ATP6V1G3: variants seen among roughly 807,000 people sequenced by gnomAD.
ATP6V1G3 encodes the protein ATPase H+ transporting V1 subunit G3.
A neutral mutation model predicts 9.3 loss-of-function variants in ATP6V1G3; 9 were observed. That is an observed-to-expected ratio of 0.97 (90% CI 0.59 to 1.69). The LOEUF is 1.69. ATP6V1G3 is among the 40% of genes most tolerant of loss of function. The pLI, the probability that ATP6V1G3 is intolerant of heterozygous loss-of-function variation, is 0.00. For synonymous variants in ATP6V1G3, 43 were observed against 43.8 expected (o/e 0.98, Z 0.07); for missense variants, 133 against 139.0 (o/e 0.96, Z 0.22).
chr1:198,529,662 C>T (rs1028021636), intron 1 of ATP6V1G3, among the ~76,000 whole-genome samples: 10 of 152,242 alleles, frequency 6.6e-5, no homozygotes, highest in African/African-American at 2.2e-4. Flanking sequence ...TACAAACATG[C>T]AACTCAGACT....
chr1:198,540,699 G>A, upstream of ATP6V1G3: 1 of 1,506,156 alleles, frequency 6.6e-7, no homozygotes, highest in East Asian at 2.3e-5. Context: ...GGAAGTAATG[G>A]GTTCATTTAT....
intron 1 of ATP6V1G3, chr1:198,536,545 C>A: frequency 3.1e-6 from 2 of 637,654 alleles, no homozygotes; most frequent in Non-Finnish European, 5.5e-6. Context: ...GTGCAAACTA[C>A]TGTGATTTCA....
chr1:198,525,657 A>T (rs1453462872), intron 2 of ATP6V1G3, among the ~76,000 whole-genome samples: 1 of 152,158 alleles, frequency 6.6e-6, no homozygotes, highest in East Asian at 1.9e-4. Context: ...ATATTTTAAC[A>T]TACAATCAAT....
At chr1:198,528,337 A>C (rs1659747441) in intron 2 of ATP6V1G3, among the ~76,000 whole-genome samples, 1 of 152,130 alleles carries the variant, frequency 6.6e-6, no homozygotes, top group African/African-American at 2.4e-5. Flanking sequence ...CTAATAATTT[A>C]TTGGCAGTGT....
At chr1:198,537,163 G>A (rs537767376) in intron 1 of ATP6V1G3, among the ~76,000 whole-genome samples, 64 of 152,198 alleles carry the variant, frequency 4.2e-4, no homozygotes, top group African/African-American at 1.4e-3. Context: ...TATAGACCGC[G>A]TGGCCTTCTG....
intron 1 of ATP6V1G3, among the ~76,000 whole-genome samples, chr1:198,530,661 A>C (rs953636060): frequency 6.6e-6 from 1 of 152,140 alleles, no homozygotes; most frequent in Non-Finnish European, 1.5e-5. Context: ...ATTAATGCTC[A>C]TTACCATTTT....
intron 1 of ATP6V1G3, among the ~76,000 whole-genome samples, chr1:198,538,904 AAAG>A (rs1196593389): frequency 2.0e-5 from 3 of 151,612 alleles, no homozygotes; most frequent in East Asian, 1.9e-4. Context: ...AAAAAAAAAA[AAAG>A]AAGAAGAAGA....
At chr1:198,530,549 C>T (rs1048771607) in intron 1 of ATP6V1G3, among the ~76,000 whole-genome samples, 1 of 152,184 alleles carries the variant, frequency 6.6e-6, no homozygotes, top group Non-Finnish European at 1.5e-5. Flanking sequence ...ATATTTAGCT[C>T]TGCCTACACT....
intron 1 of ATP6V1G3, among the ~76,000 whole-genome samples, chr1:198,533,860 G>A (rs919859192): frequency 6.6e-6 from 1 of 152,168 alleles, no homozygotes; most frequent in African/African-American, 2.4e-5. Flanking sequence ...TTTCAAAGAG[G>A]AAAGAGGGAT....
chr1:198,524,270 G>A (rs371977029), intron 2 of ATP6V1G3, among the ~76,000 whole-genome samples: 13 of 151,948 alleles, frequency 8.6e-5, no homozygotes, highest in East Asian at 7.7e-4. Context: ...GACTACAGGC[G>A]TGTGCCATGA....
chr1:198,523,297 C>G lies in ATP6V1G3; in HGVS notation c.*94G>C. ...TTCCTGTAAATGTAAATTTAAGGTT[C>G]TCATTTCAAATTTCTCAACATAAAA... is the stretch of plus-strand genomic sequence containing the variant. On this transcript the variant is annotated 3_prime_UTR_variant, in exon 3 of 3. Coordinates refer to ENST00000367382, the MANE Select transcript of ATP6V1G3 (RefSeq NM_001376861.1). The G allele has an allele frequency of 8.1e-7, 1 of 1,240,252 alleles. No homozygotes were observed. Among genetic ancestry groups the G allele is most frequent in the South Asian group, 1.4e-5 (1 of 71,918 alleles). The allele number at this position is 1,240,252 out of a possible 1,614,324, so 76.8% of individuals were successfully genotyped here.
chr1:198,524,352 T>A (rs1233159230), intron 2 of ATP6V1G3, among the ~76,000 whole-genome samples: 1 of 152,090 alleles, frequency 6.6e-6, no homozygotes, highest in Non-Finnish European at 1.5e-5. Flanking sequence ...CTCGAACTCC[T>A]GACCTGGTAA....
intron 2 of ATP6V1G3, among the ~76,000 whole-genome samples, chr1:198,527,938 A>C (rs1659724887): frequency 6.6e-6 from 1 of 152,190 alleles, no homozygotes; most frequent in Non-Finnish European, 1.5e-5. Flanking sequence ...AGAAAGATGA[A>C]TATATCTAAA....
chr1:198,530,766 C>T (rs993294594), intron 1 of ATP6V1G3, among the ~76,000 whole-genome samples: 1 of 152,022 alleles, frequency 6.6e-6, no homozygotes, highest in Non-Finnish European at 1.5e-5. Context: ...CAGAATAAAT[C>T]GATGATATGT....
At chr1:198,535,109 A>G (rs1660054334) in intron 1 of ATP6V1G3, among the ~76,000 whole-genome samples, 1 of 152,172 alleles carries the variant, frequency 6.6e-6, no homozygotes, top group South Asian at 2.1e-4. Context: ...ATATAACCAA[A>G]TGCTATTAAT....
intron 1 of ATP6V1G3, among the ~76,000 whole-genome samples, chr1:198,530,565 TA>T (rs1659857348): frequency 1.3e-5 from 2 of 152,200 alleles, no homozygotes; most frequent in African/African-American, 2.4e-5. Context: ...ACACTTTCTT[TA>T]AAATCTGAGA....
Position 198,529,087 on chromosome 1 carries a change from T to G in ATP6V1G3, c.177A>C (p.Gln59His), listed in dbSNP as rs772534862. Residue 59 changes from glutamine (Q) to histidine (H), a missense_variant, in exon 2 of 3, where the codon CAA (glutamine) becomes CAC (histidine). Physicochemically the swap from Gln to His is conservative, Grantham distance 24 (BLOSUM62 0). Transcript: ENST00000367382. ...MQRDKEFRLK[Q>H]SKIMGSQNNL... ...TGCTGACTTTCTTACTCACCTTAGA[T>G]TGTTTTAGTCGAAACTCTTTATCTC... The G allele has an allele frequency of 4.0e-6, 6 of 1,490,412 alleles. No homozygotes were observed. The highest frequency in any genetic ancestry group is 5.5e-6 in the Non-Finnish European group (6 of 1,091,072). The allele number at this position is 1,490,412 out of a possible 1,614,324, so 92.3% of individuals were successfully genotyped here.
At chr1:198,536,564 C>T in intron 1 of ATP6V1G3, 7 of 815,098 alleles carry the variant, frequency 8.6e-6, no homozygotes, top group Non-Finnish European at 1.3e-5. Flanking sequence ...CATCTAAATT[C>T]AACCAAAATA....
chr1:198,530,173 A>C (rs1393075829), intron 1 of ATP6V1G3, among the ~76,000 whole-genome samples: 2 of 152,116 alleles, frequency 1.3e-5, no homozygotes, highest in African/African-American at 4.8e-5. Flanking sequence ...AAATGCCTCC[A>C]TTCTTTTACC....
Sources: gnomAD v4.1 joint callset for allele counts (sites outside exome capture counted in the v4.1 genomes callset) on GRCh38, gnomAD v4.1.1 for gene constraint, MANE v1.5 for transcripts, NCBI Gene and HGNC (gene_info 2026-07-23, HGNC 2026-07-21) for gene names.